The following HSPA12A variants were observed in gnomAD, a reference collection of about 807,000 sequenced individuals.
HSPA12A encodes the protein heat shock 70 kDa protein 12A.
Under a neutral mutation model 69.2 loss-of-function variants are expected in HSPA12A, and 28 were observed. The observed-to-expected ratio is 0.40, with a 90% CI of 0.30 to 0.55. HSPA12A has a LOEUF of 0.55. HSPA12A is among the 20% of genes least tolerant of loss of function. HSPA12A has a pLI of 0.38. For missense variants in HSPA12A, 686 were observed against 900.7 expected, an observed-to-expected ratio of 0.76 and a Z score of 3.05; for synonymous variants, 345 against 370.5, an observed-to-expected ratio of 0.93 and a Z score of 0.79.
chr10:116,675,156 C>T lies in HSPA12A; in HGVS notation c.1653G>A (p.Pro551=), dbSNP rs61741515. The change falls in exon 12 of 12, where the codon CCG becomes CCA. Residue 551 remains proline (P), a synonymous_variant. Coordinates refer to ENST00000369209, the MANE Select transcript of HSPA12A (RefSeq NM_025015.3). The surrounding 1 kb of genome is among the most constrained non-coding windows in gnomAD (Gnocchi z 5.2). The part of the protein sequence containing the change: ...VLNRYVEGKH[P]PEKLLVKDGT... Reference sequence around the variant, plus strand: ...CATCCTTCACCAGCAGCTTCTCAGGCGGGTGCTTGCCCTCCACGTAGCGGT... The same window carrying T: ...CATCCTTCACCAGCAGCTTCTCAGGTGGGTGCTTGCCCTCCACGTAGCGGT... The T allele has an allele frequency of 4.7e-5, 76 of 1,613,802 alleles. No individual in the cohort carries two copies. Among genetic ancestry groups the T allele is most frequent in the Non-Finnish European group, 5.2e-5 (61 of 1,180,020 alleles).
At chr10:116,714,260 A>G (rs1850540444) in intron 1 of HSPA12A, among the ~76,000 whole-genome samples, 3 of 152,076 alleles carry the variant, frequency 2.0e-5, no homozygotes, top group African/African-American at 7.2e-5. Context: ...AACTCTCTTG[A>G]GTTGGATATT....
At chr10:116,718,272 C>T (rs1250299738) in intron 1 of HSPA12A, among the ~76,000 whole-genome samples, 3 of 152,220 alleles carry the variant, frequency 2.0e-5, no homozygotes, top group African/African-American at 7.2e-5. Flanking sequence ...TCCCCTTGAG[C>T]AGAATCTTTC....
At chr10:116,773,925 G>C (rs372683666) in intron 2 of HSPA12A, among the ~76,000 whole-genome samples, 65 of 152,276 alleles carry the variant, frequency 4.3e-4, no homozygotes, top group African/African-American at 1.5e-3. Context: ...CCATTCAGCT[G>C]AATGACCTTG....
chr10:116,775,120 GA>G (rs1478717261), intron 2 of HSPA12A, among the ~76,000 whole-genome samples: 1 of 152,232 alleles, frequency 6.6e-6, no homozygotes, highest in African/African-American at 2.4e-5. Flanking sequence ...GATTGGGCCA[GA>G]AGCCAATAGC....
intron 1 of HSPA12A, among the ~76,000 whole-genome samples, chr10:116,711,069 A>G (rs1850412019): frequency 6.6e-6 from 1 of 152,220 alleles, no homozygotes; most frequent in African/African-American, 2.4e-5. Context: ...AAGCTAATGG[A>G]CAACAGGAGA....
intron 2 of HSPA12A, among the ~76,000 whole-genome samples, chr10:116,788,698 G>A (rs1175337551): frequency 6.6e-6 from 1 of 151,922 alleles, no homozygotes; most frequent in African/African-American, 2.4e-5. Flanking sequence ...GTGGGTATCT[G>A]CACAATAATA....
chr10:116,713,332 G>A (rs1850502511), intron 1 of HSPA12A, among the ~76,000 whole-genome samples: 3 of 152,124 alleles, frequency 2.0e-5, no homozygotes, highest in Admixed American at 6.5e-5. Flanking sequence ...TGGATGTCCA[G>A]AGTAAATGGA....
chr10:116,762,000 T>C (rs782612015), intron 2 of HSPA12A, among the ~76,000 whole-genome samples: 4 of 152,254 alleles, frequency 2.6e-5, no homozygotes, highest in Non-Finnish European at 5.9e-5. Context: ...GAATGCAACA[T>C]TGTGCTAAGG....
chr10:116,737,026 G>A lies in HSPA12A; in HGVS notation c.40+5404C>T, dbSNP rs140235744. Reference sequence around the variant, plus strand: ...TCTACTTCATGCCCGGCTCTACTCTGAGTGCTTTTCATATAAAAACTCATT... The same window carrying A: ...TCTACTTCATGCCCGGCTCTACTCTAAGTGCTTTTCATATAAAAACTCATT... On this transcript the variant is annotated intron_variant, in intron 1 of 11. Transcript: ENST00000369209. 2.9e-4 allele frequency among the ~76,000 whole-genome samples: 44 copies of A among 152,212 alleles called. 1 individual carries two copies. In the East Asian group the frequency reaches 5.8e-3, roughly 20 times the overall value.
intron 2 of HSPA12A, among the ~76,000 whole-genome samples, chr10:116,763,859 C>G (rs920312567): frequency 5.3e-5 from 8 of 152,138 alleles, no homozygotes; most frequent in Non-Finnish European, 1.2e-4. Context: ...ATGAAAGCCA[C>G]TGGTTGGAAG....
chr10:116,742,643 GC>G, upstream of HSPA12A: 1 of 997,832 alleles, frequency 1.0e-6, no homozygotes, highest in Non-Finnish European at 1.2e-6. Context: ...CCCCGCCCCG[GC>G]CCGCCCGGCG....
intron 2 of HSPA12A, among the ~76,000 whole-genome samples, chr10:116,796,400 G>C (rs1020213218): frequency 6.6e-6 from 1 of 152,102 alleles, no homozygotes; most frequent in African/African-American, 2.4e-5. Context: ...ACGGGTCTTC[G>C]GGTCTTTGCA....
At chr10:116,773,298 GTACATGGTA>G (rs1393395970) in intron 2 of HSPA12A, among the ~76,000 whole-genome samples, 1 of 152,176 alleles carries the variant, frequency 6.6e-6, no homozygotes, top group Non-Finnish European at 1.5e-5. Flanking sequence ...CCACTGAGCA[GTACATGGTA>G]GCACAGAAGA....
chr10:116,675,471 G>C lies in HSPA12A; in HGVS notation c.1391-53C>G, dbSNP rs1450354411. On this transcript the variant is annotated intron_variant, in intron 11 of 11. Coordinates refer to ENST00000369209, the MANE Select transcript of HSPA12A (RefSeq NM_025015.3). The surrounding 1 kb of genome is among the most constrained non-coding windows in gnomAD (Gnocchi z 5.2). ...CCTGTCACCAAAAGCCAGCAAGGAA[G>C]GGGGAACTGGGCTGCCTGCATCTGT... 2 of 1,492,074 alleles carry C rather than the reference G, an allele frequency of 1.3e-6. No individual in the cohort carries two copies. Among genetic ancestry groups the C allele is most frequent in the Non-Finnish European group, 8.9e-7 (1 of 1,118,178 alleles). 92.4% of individuals were successfully genotyped at this position (1,492,074 alleles called of 1,614,324 possible).
At chr10:116,787,062 T>C (rs1844594710) in intron 2 of HSPA12A, among the ~76,000 whole-genome samples, 1 of 151,936 alleles carries the variant, frequency 6.6e-6, no homozygotes. Context: ...TTAATTGGTC[T>C]GGGATACTGT....
chr10:116,679,868 G>A (rs1024483926), intron 9 of HSPA12A, 107 bp from the exon 10 acceptor site: 65 of 1,129,934 alleles, frequency 5.8e-5, no homozygotes, highest in Non-Finnish European at 8.0e-5. Context: ...ACTTAGCAAT[G>A]GGACGGCAGC....
chr10:116,755,705 C>A (rs782574766), intron 2 of HSPA12A, among the ~76,000 whole-genome samples: 1 of 149,166 alleles, frequency 6.7e-6, no homozygotes, highest in Non-Finnish European at 1.5e-5. Context: ...CAGTGGCTCA[C>A]GTCTGTAATC....
chr10:116,705,559 G>A (rs184287671), intron 2 of HSPA12A, among the ~76,000 whole-genome samples: 102 of 152,338 alleles, frequency 6.7e-4, no homozygotes, highest in Non-Finnish European at 1.0e-3. Context: ...GCCCGCACAC[G>A]GCTAGTTACA....
chr10:116,729,937 T>A (rs1851100399), intron 1 of HSPA12A, among the ~76,000 whole-genome samples: 1 of 152,216 alleles, frequency 6.6e-6, no homozygotes. Flanking sequence ...ATAATAAAGA[T>A]GGCCAGGCGT....
Sources: allele counts gnomAD v4.1 joint callset (sites outside exome capture counted in the v4.1 genomes callset), GRCh38; gene constraint gnomAD v4.1.1; non-coding constraint Gnocchi (gnomAD v3.1); transcripts MANE v1.5; gene names NCBI Gene and HGNC (gene_info 2026-07-23, HGNC 2026-07-21).